Variants in HSP90AA1 observed in about 807,000 individuals in gnomAD.
HSP90AA1 encodes the protein heat shock protein 90 alpha family class A member 1.
In HSP90AA1, 18 loss-of-function variants were observed where a neutral mutation model predicts 73.3. The observed-to-expected ratio is 0.25, with a 90% confidence interval of 0.17 to 0.36. The LOEUF (loss-of-function observed/expected upper bound fraction) is 0.36. Ranked by LOEUF, HSP90AA1 falls within the 10% of genes least tolerant of loss-of-function variation. The probability of loss-of-function intolerance (pLI) is 1.00; values close to 1 mark genes in which losing one functional copy is unlikely to be tolerated. For synonymous variants in HSP90AA1, 477 were observed against 296.9 expected (o/e 1.61, Z -6.24); for missense variants, 704 against 874.2 (o/e 0.81, Z 2.45).
At chr14:102,123,828 C>T (rs1156604797) in intron 1 of HSP90AA1, among the ~76,000 whole-genome samples, 1 of 152,122 alleles carries the variant, frequency 6.6e-6, no homozygotes, top group Non-Finnish European at 1.5e-5. Context: ...GAGACAGGGT[C>T]TCATTCTGCC....
At chr14:102,123,767 AC>A in intron 1 of HSP90AA1, among the ~76,000 whole-genome samples, 1 of 151,808 alleles carries the variant, frequency 6.6e-6, no homozygotes, top group African/African-American at 2.4e-5. Flanking sequence ...AATTAAAGGC[AC>A]CCCCCACTTC....
chr14:102,122,721 G>A (rs564704162), intron 1 of HSP90AA1, among the ~76,000 whole-genome samples: 7 of 151,876 alleles, frequency 4.6e-5, no homozygotes, highest in South Asian at 2.1e-4. Flanking sequence ...AGGCTGGAGC[G>A]CAAGGGTTCG....
At position 102,082,454 on chromosome 14, in the gene HSP90AA1, A is replaced by G. The variant is rs34744920; in HGVS notation, c.1756-10T>C. The G allele has an allele frequency of 1.6e-4, 257 of 1,601,380 alleles. No homozygotes were observed. The highest frequency in any genetic ancestry group is 2.1e-4 in the Non-Finnish European group (241 of 1,172,328). On this transcript the variant is annotated splice_polypyrimidine_tract_variant and intron_variant, in intron 9 of 10. Transcript: ENST00000216281. ...GGTTTGACACAACCACCTGTAATCA[A>G]AAAGTGATGACTAGGAACCTAGAAA...
intron 2 of HSP90AA1, among the ~76,000 whole-genome samples, chr14:102,092,807 G>A (rs1566725031): frequency 6.6e-6 from 1 of 152,234 alleles, no homozygotes; most frequent in East Asian, 1.9e-4. Context: ...CTGGAGTGCA[G>A]TGGCAAAATC....
intron 1 of HSP90AA1, among the ~76,000 whole-genome samples, chr14:102,113,354 C>T (rs1330630497): frequency 2.0e-5 from 3 of 149,324 alleles, no homozygotes; most frequent in African/African-American, 4.9e-5. Flanking sequence ...CTCTCTCTCT[C>T]TCTTTCTTTC....
At chr14:102,134,023 C>T (rs1328778950) in intron 1 of HSP90AA1, among the ~76,000 whole-genome samples, 4 of 151,622 alleles carry the variant, frequency 2.6e-5, no homozygotes, top group African/African-American at 9.7e-5. Context: ...TGGTGGCGGG[C>T]GCCTGTAGTC....
In HSP90AA1 at chr14:102,086,497, A is replaced by C. The variant is rs546540295; in HGVS notation, c.1-119T>G. The C allele has an allele frequency of 3.5e-5, 40 of 1,140,896 alleles. No individual in the cohort carries two copies. In the East Asian group the frequency reaches 7.3e-4, roughly 21 times the overall value. 70.7% of individuals were successfully genotyped at this position (1,140,896 alleles called of 1,614,324 possible). ...ATTGGAGATTTGCGAAGTTTAAGTA[A>C]ACCGAAAATAGAAGGGCGGCTGACA... On this transcript the variant is annotated intron_variant, in intron 1 of 10. Coordinates refer to ENST00000216281, the MANE Select transcript of HSP90AA1 (RefSeq NM_005348.4).
chr14:102,136,388 G>A (rs1002074742), intron 1 of HSP90AA1, among the ~76,000 whole-genome samples: 5 of 149,944 alleles, frequency 3.3e-5, no homozygotes, highest in African/African-American at 4.9e-5. Context: ...CCAACATGGC[G>A]AAACCCCGTC....
intron 3 of HSP90AA1, 37 bp downstream of exon 3, chr14:102,085,721 C>A (rs1161636229): frequency 6.2e-7 from 1 of 1,613,830 alleles, no homozygotes; most frequent in South Asian, 1.1e-5. Flanking sequence ...CCCACCCTTC[C>A]ACCGCTCACT....
At chr14:102,116,340 C>T (rs2049706497) in intron 1 of HSP90AA1, among the ~76,000 whole-genome samples, 1 of 152,128 alleles carries the variant, frequency 6.6e-6, no homozygotes, top group African/African-American at 2.4e-5. Flanking sequence ...GATTTTTAGC[C>T]TTTCTTTTAT....
upstream of HSP90AA1, among the ~76,000 whole-genome samples, chr14:102,091,333 A>G (rs1335836411): frequency 6.6e-6 from 1 of 152,070 alleles, no homozygotes; most frequent in Non-Finnish European, 1.5e-5. Context: ...ATCCTGATAA[A>G]CAGTCTCAGC....
intron 1 of HSP90AA1, among the ~76,000 whole-genome samples, chr14:102,129,755 G>A (rs897742640): frequency 6.6e-6 from 1 of 151,864 alleles, no homozygotes; most frequent in Admixed American, 6.6e-5. Flanking sequence ...TGCCTGCCTT[G>A]GCCTCCCAAA....
At chr14:102,094,986 C>T (rs911867571) in intron 2 of HSP90AA1, among the ~76,000 whole-genome samples, 9 of 152,010 alleles carry the variant, frequency 5.9e-5, no homozygotes, top group African/African-American at 1.9e-4. Context: ...CAGAGGCTCC[C>T]GGGTGGGTGA....
chr14:102,084,547 T>C lies in HSP90AA1; in HGVS notation c.999A>G (p.Gly333=), dbSNP rs1176105147. 6.2e-6 allele frequency: 10 copies of C among 1,614,058 alleles called. No homozygotes were observed. The highest frequency in any genetic ancestry group is 7.6e-6 in the Non-Finnish European group (9 of 1,180,016). The change falls in exon 6 of 11, where the codon GGA becomes GGG. Residue 333 remains glycine, a synonymous_variant. Coordinates refer to ENST00000216281, the MANE Select transcript of HSP90AA1 (RefSeq NM_005348.4). ...HLAVKHFSVE[G]QLEFRALLFV... is the part of the protein sequence containing the mutation. The stretch of plus-strand genomic sequence containing the variant: ...ATAGAAGGGCTCTGAATTCCAACTG[T>C]CCTTCAACTGAAAAATGCTGTAATA...
chr14:102,135,012 T>TC (rs979532602), intron 1 of HSP90AA1, among the ~76,000 whole-genome samples: 4 of 152,022 alleles, frequency 2.6e-5, no homozygotes, highest in Non-Finnish European at 5.9e-5. Context: ...ATACAGAGTT[T>TC]CCACACAGGT....
chr14:102,107,062 C>G (rs2049578354), intron 1 of HSP90AA1, among the ~76,000 whole-genome samples: 1 of 152,000 alleles, frequency 6.6e-6, no homozygotes, highest in South Asian at 2.1e-4. Context: ...GGATGATATA[C>G]AGTGATACTG....
exon 1 of HSP90AA1, chr14:102,139,672 C>A (rs2050215570): frequency 3.1e-6 from 2 of 655,700 alleles, no homozygotes; most frequent in Non-Finnish European, 5.1e-6. Context: ...GCCATGCCGC[C>A]CGGAGGCCAC....
intron 2 of HSP90AA1, among the ~76,000 whole-genome samples, chr14:102,093,848 C>T (rs2049390612): frequency 6.6e-6 from 1 of 152,108 alleles, no homozygotes; most frequent in Non-Finnish European, 1.5e-5. Flanking sequence ...GTGGCATGCA[C>T]CTGTAATCCC....
Position 102,084,755 on chromosome 14 carries a change from C to A in HSP90AA1, c.907G>T (p.Asp303Tyr), listed in dbSNP as rs752353506. Residue 303 changes from aspartate to tyrosine, a missense_variant, in exon 5 of 11, where the codon GAT becomes TAT. By Grantham distance (160) the Asp-to-Tyr change is radical. Coordinates refer to ENST00000216281, the MANE Select transcript of HSP90AA1 (RefSeq NM_005348.4). ...TCTCCGTACTCCTCATTAGTAATAT[C>A]GTCGGGATTTCTGGTCCAGATGGGC... Reference protein sequence around the residue: ...TKPIWTRNPDDITNEEYGEFY... With the variant: ...TKPIWTRNPDYITNEEYGEFY... 6.2e-7 allele frequency: 1 copy of A among 1,614,134 alleles called. No homozygotes were observed. Among genetic ancestry groups the A allele is most frequent in the Non-Finnish European group, 8.5e-7 (1 of 1,180,014 alleles).
Sources: allele counts gnomAD v4.1 joint callset (sites outside exome capture counted in the v4.1 genomes callset), GRCh38; gene constraint gnomAD v4.1.1; transcripts MANE v1.5; gene names NCBI Gene and HGNC (gene_info 2026-07-23, HGNC 2026-07-21).